Variants in KCNIP4 observed in about 807,000 individuals in gnomAD.
KCNIP4 encodes the protein Kv channel-interacting protein 4.
In KCNIP4, 12 loss-of-function variants were observed where a neutral mutation model predicts 34.0. The ratio of observed to expected loss-of-function variants is 0.35; its 90% CI spans 0.23 to 0.57. The LOEUF (loss-of-function observed/expected upper bound fraction) is 0.57. Ranked by LOEUF, KCNIP4 falls within the 20% of genes least tolerant of loss-of-function variation. The pLI, the probability that KCNIP4 is intolerant of heterozygous loss-of-function variation, is 0.83. For synonymous variants in KCNIP4, 124 were observed against 102.2 expected, an observed-to-expected ratio of 1.21 and a Z score of -1.29; for missense variants, 238 against 311.7, an observed-to-expected ratio of 0.76 and a Z score of 1.78.
At chr4:20,847,793 G>A (rs764203153) in intron 3 of KCNIP4, among the ~76,000 whole-genome samples, 1 of 152,192 alleles carries the variant, frequency 6.6e-6, no homozygotes, top group Non-Finnish European at 1.5e-5. Context: ...TTTCACACAA[G>A]TGTGACCATT....
intron 1 of KCNIP4, among the ~76,000 whole-genome samples, chr4:21,625,947 C>A (rs1169432385): frequency 6.6e-6 from 1 of 152,008 alleles, no homozygotes; most frequent in South Asian, 2.1e-4. Flanking sequence ...AGCCTTTGAC[C>A]CACAAATGAG....
chr4:21,851,070 G>A (rs1724351715), intron 1 of KCNIP4: 2 of 152,224 alleles, frequency 1.3e-5, no homozygotes, highest in Middle Eastern at 3.4e-3. Flanking sequence ...TAACACTCAA[G>A]TTTCTAAAAC....
Position 21,213,839 on chromosome 4 carries a change from C to T in KCNIP4, c.62-331130G>A, listed in dbSNP as rs144300206. Among the ~76,000 whole-genome samples the T allele has an allele frequency of 5.4e-3, 819 of 152,140 alleles. 3 individuals carry two copies. The highest frequency in any genetic ancestry group is 0.018 in the African/African-American group (747 of 41,544). ...ACAACCTGCCTTTCATTCTTTCATC[C>T]GTCTCCCAGGATGGAGTCAGCCCCT... On this transcript the variant is annotated intron_variant, in intron 1 of 8. Transcript: ENST00000382152.
At chr4:21,320,964 T>TTAAAAAAAAAAAAAA (rs1553860312) in intron 1 of KCNIP4, among the ~76,000 whole-genome samples, 12 of 102,900 alleles carry the variant, frequency 1.2e-4, no homozygotes, top group South Asian at 9.6e-4. Context: ...GAATCTGTCT[T>TTAAAAAAAAAAAAAA]AAAAAAAAAA....
intron 1 of KCNIP4, among the ~76,000 whole-genome samples, chr4:21,466,164 C>CTTTTCCCA (rs1410434029): frequency 2.6e-5 from 4 of 152,176 alleles, no homozygotes; most frequent in African/African-American, 4.8e-5. Context: ...TTGCTTCCTC[C>CTTTTCCCA]TTTTCCCATT....
At chr4:21,025,134 A>T (rs1740404563) in intron 1 of KCNIP4, among the ~76,000 whole-genome samples, 10 of 152,216 alleles carry the variant, frequency 6.6e-5, no homozygotes, top group Admixed American at 6.5e-4. Flanking sequence ...AAGATTTTAC[A>T]TGCTAAAGTC....
At chr4:20,854,921 G>A (rs1420641466) in intron 2 of KCNIP4, among the ~76,000 whole-genome samples, 1 of 152,152 alleles carries the variant, frequency 6.6e-6, no homozygotes, top group African/African-American at 2.4e-5. Flanking sequence ...TCTCAAAGAT[G>A]TTTTATGCAA....
chr4:21,647,965 C>T (rs1367797990), intron 1 of KCNIP4, among the ~76,000 whole-genome samples: 2 of 148,426 alleles, frequency 1.3e-5, no homozygotes, highest in African/African-American at 2.5e-5. Flanking sequence ...GCTCCATCTC[C>T]CGGGTTCACG....
chr4:21,032,597 G>GA (rs1469645068), intron 1 of KCNIP4, among the ~76,000 whole-genome samples: 1 of 151,912 alleles, frequency 6.6e-6, no homozygotes, highest in Non-Finnish European at 1.5e-5. Flanking sequence ...GAAAGTCCTA[G>GA]AAAAAAAATT....
intron 1 of KCNIP4, among the ~76,000 whole-genome samples, chr4:21,084,091 AG>A (rs1746220053): frequency 6.6e-6 from 1 of 151,908 alleles, no homozygotes; most frequent in Non-Finnish European, 1.5e-5. Flanking sequence ...TGGCTCCAGC[AG>A]GACTGGAACA....
chr4:21,206,345 T>A (rs1756851149), intron 1 of KCNIP4, among the ~76,000 whole-genome samples: 1 of 152,196 alleles, frequency 6.6e-6, no homozygotes, highest in African/African-American at 2.4e-5. Context: ...TTAGTCATAC[T>A]AAGTGGCTTT....
chr4:21,173,527 T>C (rs1390323351), intron 1 of KCNIP4, among the ~76,000 whole-genome samples: 1 of 152,116 alleles, frequency 6.6e-6, no homozygotes, highest in Non-Finnish European at 1.5e-5. Context: ...GTAACATCAT[T>C]TGGACAGCTC....
intron 1 of KCNIP4, among the ~76,000 whole-genome samples, chr4:21,409,004 G>A (rs1724240612): frequency 6.6e-6 from 1 of 152,132 alleles, no homozygotes; most frequent in South Asian, 2.1e-4. Context: ...TGTGGCCAAT[G>A]AGACTGAGAA....
At chr4:21,845,314 T>C (rs1407212466) in intron 1 of KCNIP4, 1 of 152,150 alleles carries the variant, frequency 6.6e-6, no homozygotes, top group Non-Finnish European at 1.5e-5. Context: ...AGTGTGGCTA[T>C]ATTCCAATAA....
At chr4:21,326,222 G>T (rs1209482867) in intron 1 of KCNIP4, among the ~76,000 whole-genome samples, 14 of 151,492 alleles carry the variant, frequency 9.2e-5, no homozygotes, top group Non-Finnish European at 3.0e-5. Flanking sequence ...TTGTATTGGG[G>T]TATATCTGCC....
chr4:20,984,828 T>A (rs945843037), intron 1 of KCNIP4, among the ~76,000 whole-genome samples: 2 of 152,170 alleles, frequency 1.3e-5, no homozygotes, highest in Admixed American at 1.3e-4. Flanking sequence ...TTTCTCAAAG[T>A]TTCACAAACT....
At chr4:20,943,221 T>C (rs937045264) in intron 1 of KCNIP4, among the ~76,000 whole-genome samples, 2 of 152,200 alleles carry the variant, frequency 1.3e-5, no homozygotes, top group African/African-American at 2.4e-5. Context: ...TCAGTGATGC[T>C]ATAATGGTCT....
chr4:21,865,565 T>C (rs1408425338), intron 1 of KCNIP4, among the ~76,000 whole-genome samples: 1 of 152,122 alleles, frequency 6.6e-6, no homozygotes, highest in Non-Finnish European at 1.5e-5. Context: ...TTTTTTGAGA[T>C]GGAGTTTCGC....
intron 1 of KCNIP4, among the ~76,000 whole-genome samples, chr4:21,814,796 C>T (rs1039609693): frequency 4.6e-5 from 7 of 152,148 alleles, no homozygotes; most frequent in African/African-American, 1.7e-4. Flanking sequence ...TAATGTTTCC[C>T]CCAGGCATGT....
Sources: allele counts gnomAD v4.1 joint callset (sites outside exome capture counted in the v4.1 genomes callset), GRCh38; gene constraint gnomAD v4.1.1; transcripts MANE v1.5; gene names NCBI Gene and HGNC (gene_info 2026-07-23, HGNC 2026-07-21).